Variants in ZNF407 observed in about 807,000 individuals in gnomAD.
ZNF407 encodes the protein zinc finger protein 407.
ZNF407 carries 17 observed loss-of-function variants against 131.2 expected under a neutral mutation model. The ratio of observed to expected loss-of-function variants is 0.13; its 90% confidence interval spans 0.09 to 0.19. ZNF407 has a LOEUF of 0.19. Among genes scored for constraint, ZNF407 ranks in the 10% least tolerant of loss-of-function variants. ZNF407 has a pLI of 1.00. For missense variants in ZNF407, 2,681 were observed against 2,830.6 expected (o/e 0.95, Z 1.20); for synonymous variants, 1,156 against 1,062.0 (o/e 1.09, Z -1.72).
chr18:74,976,163 C>T (rs1258229040), intron 8 of ZNF407, among the ~76,000 whole-genome samples: 1 of 152,174 alleles, frequency 6.6e-6, no homozygotes, highest in Non-Finnish European at 1.5e-5. Flanking sequence ...TATTGGTTGA[C>T]CCCAAATGTT....
chr18:74,702,340 T>C (rs1014173649), intron 3 of ZNF407, among the ~76,000 whole-genome samples: 1 of 152,172 alleles, frequency 6.6e-6, no homozygotes, highest in East Asian at 1.9e-4. Flanking sequence ...ACCCAAAATA[T>C]ATAATTTAAT....
intron 3 of ZNF407, among the ~76,000 whole-genome samples, chr18:74,731,614 G>A (rs994986067): frequency 1.3e-5 from 2 of 152,202 alleles, no homozygotes; most frequent in Non-Finnish European, 2.9e-5. Context: ...TTGAGAAGAT[G>A]AGTGTAGTAA....
chr18:74,901,787 C>T (rs1047674763), intron 7 of ZNF407, among the ~76,000 whole-genome samples: 1 of 152,194 alleles, frequency 6.6e-6, no homozygotes, highest in Non-Finnish European at 1.5e-5. Flanking sequence ...TATGCACTTG[C>T]TTTAACTACA....
intron 8 of ZNF407, among the ~76,000 whole-genome samples, chr18:74,921,555 A>G (rs1971846726): frequency 6.6e-6 from 1 of 152,184 alleles, no homozygotes; most frequent in Non-Finnish European, 1.5e-5. Flanking sequence ...CCTGCTTCTC[A>G]TTATTGGCCA....
intron 3 of ZNF407, among the ~76,000 whole-genome samples, chr18:74,738,280 T>C (rs1968464546): frequency 6.6e-6 from 1 of 151,372 alleles, no homozygotes; most frequent in Admixed American, 6.6e-5. Context: ...ATTAGCCAGG[T>C]GTGGCGGTGC....
At chr18:74,763,196 CTTTTTTT>C (rs71170316) in intron 3 of ZNF407, among the ~76,000 whole-genome samples, 3 of 17,782 alleles carry the variant, frequency 1.7e-4, no homozygotes, top group Non-Finnish European at 2.4e-4. Context: ...TTCTTAGGAC[CTTTTTTT>C]TTTTTTTTTT....
intron 2 of ZNF407, among the ~76,000 whole-genome samples, chr18:74,636,796 CA>C (rs907303632): frequency 2.0e-5 from 3 of 152,172 alleles, no homozygotes; most frequent in Non-Finnish European, 4.4e-5. Context: ...CTTGTGATCC[CA>C]AATATTCCTA....
At chr18:75,052,271 C>G (rs146095816) in intron 8 of ZNF407, among the ~76,000 whole-genome samples, 4 of 152,278 alleles carry the variant, frequency 2.6e-5, no homozygotes, top group African/African-American at 9.6e-5. Flanking sequence ...GCCTATTATG[C>G]CCCATTGTAT....
chr18:74,835,629 G>GGGGTGTGT (rs1269272236), intron 4 of ZNF407, among the ~76,000 whole-genome samples: 10 of 92,144 alleles, frequency 1.1e-4, no homozygotes, highest in East Asian at 3.4e-4. Flanking sequence ...GACAGAGGGG[G>GGGGTGTGT]GTGTGTGTGT....
chr18:74,896,560 C>A (rs1439814820), intron 7 of ZNF407, among the ~76,000 whole-genome samples: 1 of 152,174 alleles, frequency 6.6e-6, no homozygotes, highest in Non-Finnish European at 1.5e-5. Flanking sequence ...CCCCTTCCTG[C>A]TTGTCACCTG....
intron 8 of ZNF407, among the ~76,000 whole-genome samples, chr18:74,931,604 G>A (rs562619798): frequency 6.6e-6 from 1 of 152,072 alleles, no homozygotes; most frequent in Non-Finnish European, 1.5e-5. Flanking sequence ...TCATTTCCTT[G>A]GGTATATACC....
intron 4 of ZNF407, among the ~76,000 whole-genome samples, chr18:74,839,518 CAGA>C (rs1970603242): frequency 6.6e-6 from 1 of 152,132 alleles, no homozygotes; most frequent in Non-Finnish European, 1.5e-5. Flanking sequence ...GTTCAGATTA[CAGA>C]AGATGAGAAT....
At chr18:74,880,161 C>T (rs925052925) in intron 5 of ZNF407, among the ~76,000 whole-genome samples, 1 of 152,074 alleles carries the variant, frequency 6.6e-6, no homozygotes, top group Non-Finnish European at 1.5e-5. Flanking sequence ...CTTTGTGAGT[C>T]TTATGGGATG....
chr18:74,750,985 A>G (rs1968787871), intron 3 of ZNF407, among the ~76,000 whole-genome samples: 1 of 152,072 alleles, frequency 6.6e-6, no homozygotes, highest in Non-Finnish European at 1.5e-5. Flanking sequence ...TATATATTTT[A>G]TGGGGAAATA....
intron 3 of ZNF407, among the ~76,000 whole-genome samples, chr18:74,778,940 T>C (rs571622910): frequency 5.2e-4 from 79 of 151,772 alleles, no homozygotes; most frequent in African/African-American, 1.9e-3. Context: ...ATATGTAGAT[T>C]ATGTATATAT....
intron 6 of ZNF407, among the ~76,000 whole-genome samples, chr18:74,885,681 A>G (rs1350383980): frequency 6.6e-6 from 1 of 152,202 alleles, no homozygotes; most frequent in African/African-American, 2.4e-5. Context: ...CGTGTACTAC[A>G]TGGGGAAGTG....
chr18:74,690,005 TC>T (rs922001335), intron 3 of ZNF407, among the ~76,000 whole-genome samples: 13 of 152,000 alleles, frequency 8.6e-5, no homozygotes, highest in Admixed American at 6.6e-4. Flanking sequence ...AGGAGGTACC[TC>T]CGAAAACCTA....
chr18:74,997,013 A>G (rs1972787256), intron 8 of ZNF407, among the ~76,000 whole-genome samples: 1 of 152,208 alleles, frequency 6.6e-6, no homozygotes. Flanking sequence ...ATTTTGTGTT[A>G]CAAATTAGGT....
chr18:74,862,565 C>T (rs1970952249), intron 4 of ZNF407, among the ~76,000 whole-genome samples: 2 of 152,156 alleles, frequency 1.3e-5, no homozygotes, highest in African/African-American at 4.8e-5. Flanking sequence ...ATATAAAATG[C>T]ATTTATGTAG....
Sources: gnomAD v4.1 joint callset for allele counts (sites outside exome capture counted in the v4.1 genomes callset) on GRCh38, gnomAD v4.1.1 for gene constraint, MANE v1.5 for transcripts, NCBI Gene and HGNC (gene_info 2026-07-23, HGNC 2026-07-21) for gene names.